Variants in MCTP1 observed in about 807,000 individuals in gnomAD.
MCTP1 encodes the protein multiple C2 and transmembrane domain containing 1.
In MCTP1, 69 loss-of-function variants were observed where a neutral mutation model predicts 120.6. The ratio of observed to expected loss-of-function variants is 0.57; its 90% confidence interval spans 0.47 to 0.70. The LOEUF is 0.70. Among genes scored for constraint, MCTP1 ranks in the 30% least tolerant of loss-of-function variants. MCTP1 has a pLI of 0.00. For missense variants in MCTP1, 1,203 were observed against 1,248.8 expected, an observed-to-expected ratio of 0.96 and a Z score of 0.55; for synonymous variants, 529 against 493.1, an observed-to-expected ratio of 1.07 and a Z score of -0.96.
chr5:95,249,310 T>C (rs570512755), intron 1 of MCTP1, among the ~76,000 whole-genome samples: 20 of 151,662 alleles, frequency 1.3e-4, no homozygotes, highest in Non-Finnish European at 2.5e-4. Context: ...TTAAACAAAT[T>C]TACAATTAAA....
At chr5:95,035,060 T>A (rs1841017103) in intron 1 of MCTP1, among the ~76,000 whole-genome samples, 1 of 151,634 alleles carries the variant, frequency 6.6e-6, no homozygotes, top group Non-Finnish European at 1.5e-5. Flanking sequence ...TATTAAAAGG[T>A]CAAAAAATAA....
intron 2 of MCTP1, among the ~76,000 whole-genome samples, chr5:95,012,756 C>T (rs1006941958): frequency 4.6e-5 from 7 of 152,058 alleles, no homozygotes; most frequent in East Asian, 1.9e-4. Context: ...ACTGCTCCAC[C>T]GACCAGCTGT....
intron 1 of MCTP1, among the ~76,000 whole-genome samples, chr5:95,221,414 G>A (rs1753682090): frequency 6.6e-6 from 1 of 152,180 alleles, no homozygotes; most frequent in Admixed American, 6.5e-5. Flanking sequence ...TTTGCACAGG[G>A]ACCGAAACAG....
At chr5:94,954,718 T>C (rs1286303637) in intron 2 of MCTP1, among the ~76,000 whole-genome samples, 1 of 152,216 alleles carries the variant, frequency 6.6e-6, no homozygotes, top group Non-Finnish European at 1.5e-5. Context: ...TATACGCTGC[T>C]AAAATTTTAT....
intron 7 of MCTP1, among the ~76,000 whole-genome samples, chr5:94,918,795 T>C (rs1186952646): frequency 1.3e-5 from 2 of 152,062 alleles, no homozygotes; most frequent in Non-Finnish European, 2.9e-5. Flanking sequence ...GAAAGGAACA[T>C]TTATTGTGCA....
intron 1 of MCTP1, among the ~76,000 whole-genome samples, chr5:95,254,793 T>C (rs894034759): frequency 3.3e-5 from 5 of 152,198 alleles, no homozygotes; most frequent in African/African-American, 9.6e-5. Context: ...GTTCTGACAC[T>C]TCCACTCACC....
intron 1 of MCTP1, among the ~76,000 whole-genome samples, chr5:95,166,568 ATTTTTT>A (rs34176318): frequency 1.6e-5 from 2 of 125,126 alleles, no homozygotes; most frequent in Non-Finnish European, 1.6e-5. Flanking sequence ...AATTTTAATC[ATTTTTT>A]TTTTTTTTTT....
intron 3 of MCTP1, among the ~76,000 whole-genome samples, chr5:94,951,002 G>A (rs7719262): frequency 0.61 from 91,755 of 151,260 alleles, 28,380 homozygotes; most frequent in Non-Finnish European, 0.64. Context: ...GTACAGTTGT[G>A]TTACATGTGT....
At chr5:94,783,440 CA>C (rs749208054) in intron 18 of MCTP1, among the ~76,000 whole-genome samples, 5 of 152,144 alleles carry the variant, frequency 3.3e-5, no homozygotes, top group South Asian at 4.1e-4. Flanking sequence ...TCCAACACAA[CA>C]AAACACATCT....
intron 1 of MCTP1, among the ~76,000 whole-genome samples, chr5:95,167,268 A>G (rs963981555): frequency 7.9e-4 from 120 of 152,302 alleles, no homozygotes; most frequent in Non-Finnish European, 8.7e-4. Context: ...ATAGTATTCC[A>G]TGGTGTATAT....
At chr5:94,831,262 C>T (rs1788453017) in intron 17 of MCTP1, among the ~76,000 whole-genome samples, 1 of 152,086 alleles carries the variant, frequency 6.6e-6, no homozygotes. Flanking sequence ...AAAGTAGTTC[C>T]AAGTTGATGA....
intron 1 of MCTP1, among the ~76,000 whole-genome samples, chr5:95,256,347 G>A (rs1757883596): frequency 6.6e-6 from 1 of 152,026 alleles, no homozygotes; most frequent in Admixed American, 6.6e-5. Context: ...CTTGGCAGAT[G>A]TCTGCTGGCA....
At chr5:95,208,823 G>A (rs555527716) in intron 1 of MCTP1, among the ~76,000 whole-genome samples, 3 of 151,788 alleles carry the variant, frequency 2.0e-5, no homozygotes, top group African/African-American at 7.2e-5. Context: ...TCACCTTCTT[G>A]AAAGTCACCA....
chr5:94,827,841 T>C (rs191350377), intron 17 of MCTP1, among the ~76,000 whole-genome samples: 4 of 152,002 alleles, frequency 2.6e-5, no homozygotes, highest in African/African-American at 9.7e-5. Flanking sequence ...TTCTCTAAAC[T>C]GGTTTTTCTA....
intron 17 of MCTP1, among the ~76,000 whole-genome samples, chr5:94,864,180 G>A (rs1796347151): frequency 6.6e-6 from 1 of 151,876 alleles, no homozygotes; most frequent in Non-Finnish European, 1.5e-5. Flanking sequence ...GGCTGCTCAG[G>A]ACAGAGGGCT....
intron 5 of MCTP1, among the ~76,000 whole-genome samples, chr5:94,939,658 A>T (rs2153501157): frequency 6.6e-6 from 1 of 152,102 alleles, no homozygotes; most frequent in East Asian, 1.9e-4. Context: ...AATACCAGAA[A>T]GCAGAAACTC....
chr5:94,749,654 C>CAAAAAAAAAAAAAAAA (rs57404381), intron 19 of MCTP1, among the ~76,000 whole-genome samples: 2 of 50,960 alleles, frequency 3.9e-5, no homozygotes, highest in Non-Finnish European at 6.5e-5. Context: ...GACTTCATCT[C>CAAAAAAAAAAAAAAAA]AAAAAAAAAA....
At chr5:95,203,907 A>G (rs1021900845) in intron 1 of MCTP1, among the ~76,000 whole-genome samples, 5 of 152,236 alleles carry the variant, frequency 3.3e-5, no homozygotes, top group Admixed American at 1.3e-4. Context: ...TTATCATTTT[A>G]GATCTAGTCA....
At chr5:95,188,968 G>C (rs371726472) in intron 1 of MCTP1, among the ~76,000 whole-genome samples, 1 of 152,106 alleles carries the variant, frequency 6.6e-6, no homozygotes, top group Non-Finnish European at 1.5e-5. Context: ...TCTGTGTTAT[G>C]TCTTAAAATC....
Sources: allele counts gnomAD v4.1 joint callset (sites outside exome capture counted in the v4.1 genomes callset), GRCh38; gene constraint gnomAD v4.1.1; transcripts MANE v1.5; gene names NCBI Gene and HGNC (gene_info 2026-07-23, HGNC 2026-07-21).